The following ERICH6B variants were observed in gnomAD, a reference collection of about 807,000 sequenced individuals.
ERICH6B encodes the protein glutamate rich 6B, also known as glutamate-rich protein 6B.
A neutral mutation model predicts 80.0 loss-of-function variants in ERICH6B; 69 were observed. The observed-to-expected ratio is 0.86, with a 90% confidence interval of 0.71 to 1.05. The LOEUF is 1.05. Ranked by LOEUF, ERICH6B falls within the 50% of genes least tolerant of loss-of-function variation. The pLI is 0.00. For missense variants in ERICH6B, 754 were observed against 796.1 expected, an observed-to-expected ratio of 0.95 and a Z score of 0.64; for synonymous variants, 283 against 291.9, an observed-to-expected ratio of 0.97 and a Z score of 0.31.
intron 7 of ERICH6B, among the ~76,000 whole-genome samples, chr13:45,578,896 A>G (rs1337479228): frequency 6.6e-6 from 1 of 152,216 alleles, no homozygotes; most frequent in African/African-American, 2.4e-5. Context: ...TTTAATAATC[A>G]TAAATTAGCC....
At chr13:45,604,898 C>G (rs1053274142) in intron 2 of ERICH6B, among the ~76,000 whole-genome samples, 2 of 152,100 alleles carry the variant, frequency 1.3e-5, no homozygotes, top group African/African-American at 2.4e-5. Context: ...GTGCTGGTTT[C>G]GAGACCCTGT....
intron 14 of ERICH6B, 108 bp downstream of exon 14, chr13:45,544,652 T>G: frequency 9.9e-6 from 9 of 910,740 alleles, no homozygotes; most frequent in South Asian, 3.4e-5. Context: ...GGTTGGCATA[T>G]ATAGAACAAG....
At chr13:45,545,625 G>T (rs905241908) in intron 13 of ERICH6B, among the ~76,000 whole-genome samples, 6 of 152,182 alleles carry the variant, frequency 3.9e-5, no homozygotes, top group Non-Finnish European at 1.5e-5. Flanking sequence ...TTACAAAAGA[G>T]AATAGGAGGC....
At chr13:45,552,571 G>A (rs1463208968) in intron 11 of ERICH6B, among the ~76,000 whole-genome samples, 2 of 151,216 alleles carry the variant, frequency 1.3e-5, no homozygotes, top group Non-Finnish European at 2.9e-5. Flanking sequence ...AGTCAGATTA[G>A]TGATTTTCAA....
At chr13:45,588,567 C>A (rs1425292633) in intron 4 of ERICH6B, among the ~76,000 whole-genome samples, 1 of 152,208 alleles carries the variant, frequency 6.6e-6, no homozygotes, top group East Asian at 1.9e-4. Flanking sequence ...GACTGTCGTA[C>A]CTCACTCACC....
intron 8 of ERICH6B, among the ~76,000 whole-genome samples, chr13:45,571,370 C>T (rs1331283469): frequency 6.6e-6 from 1 of 152,076 alleles, no homozygotes; most frequent in African/African-American, 2.4e-5. Flanking sequence ...TCCCTCCAAC[C>T]ATTTTTTTTT....
intron 13 of ERICH6B, 56 bp from the exon 14 acceptor site, chr13:45,545,041 T>C: frequency 7.4e-7 from 1 of 1,345,614 alleles, no homozygotes; most frequent in Non-Finnish European, 1.0e-6. Flanking sequence ...GGGCCTCTGC[T>C]CCTCCTCTTC....
At chr13:45,563,456 G>T (rs921675411) in intron 10 of ERICH6B, among the ~76,000 whole-genome samples, 3 of 152,182 alleles carry the variant, frequency 2.0e-5, no homozygotes, top group Admixed American at 2.0e-4. Context: ...AAGTAAGACA[G>T]TCCACACCAC....
chr13:45,570,699 T>C (rs1035427515), intron 8 of ERICH6B, among the ~76,000 whole-genome samples: 1 of 152,080 alleles, frequency 6.6e-6, no homozygotes, highest in Non-Finnish European at 1.5e-5. Flanking sequence ...CCATTGCAGC[T>C]GCAGGTTCCA....
At chr13:45,571,836 C>T (rs1337630112) in intron 8 of ERICH6B, among the ~76,000 whole-genome samples, 1 of 152,074 alleles carries the variant, frequency 6.6e-6, no homozygotes, top group South Asian at 2.1e-4. Context: ...ATGGGGTGAA[C>T]AGATGTAGGA....
At chr13:45,590,000 C>A (rs1270127502) in intron 4 of ERICH6B, among the ~76,000 whole-genome samples, 1 of 152,154 alleles carries the variant, frequency 6.6e-6, no homozygotes, top group Non-Finnish European at 1.5e-5. Flanking sequence ...ACTGGGATTT[C>A]ATTCCTGCTT....
intron 2 of ERICH6B, among the ~76,000 whole-genome samples, chr13:45,602,854 C>G (rs1399385457): frequency 6.6e-6 from 1 of 152,192 alleles, no homozygotes; most frequent in East Asian, 1.9e-4. Context: ...TTGCAATTAC[C>G]TTCTATACCA....
chr13:45,586,574 G>T, intron 5 of ERICH6B, among the ~76,000 whole-genome samples: 1 of 152,100 alleles, frequency 6.6e-6, no homozygotes, highest in South Asian at 2.1e-4. Flanking sequence ...GGATAGTTTT[G>T]GTGGGTTCTG....
chr13:45,551,896 C>G (rs1874239872), intron 11 of ERICH6B, among the ~76,000 whole-genome samples: 1 of 152,176 alleles, frequency 6.6e-6, no homozygotes, highest in Admixed American at 6.5e-5. Flanking sequence ...TTGGACTTTC[C>G]AGCCTTTGGA....
chr13:45,594,466 C>T (rs1443330953), intron 3 of ERICH6B, among the ~76,000 whole-genome samples: 1 of 152,146 alleles, frequency 6.6e-6, no homozygotes, highest in Non-Finnish European at 1.5e-5. Context: ...AGAGAAAAAG[C>T]CCTGAATGCT....
At chr13:45,559,725 A>G (rs1874588685) in intron 11 of ERICH6B, among the ~76,000 whole-genome samples, 1 of 152,004 alleles carries the variant, frequency 6.6e-6, no homozygotes, top group Non-Finnish European at 1.5e-5. Flanking sequence ...TTTGGAGTTG[A>G]TTTCCAGTTT....
chr13:45,569,440 T>A (rs935539279), intron 8 of ERICH6B, among the ~76,000 whole-genome samples: 3 of 152,198 alleles, frequency 2.0e-5, no homozygotes, highest in African/African-American at 7.2e-5. Flanking sequence ...GCTGCCTTTT[T>A]ATTTGGCCAG....
intron 14 of ERICH6B, among the ~76,000 whole-genome samples, chr13:45,543,790 T>C (rs1873882015): frequency 6.6e-6 from 1 of 151,958 alleles, no homozygotes. Flanking sequence ...GCCTGGGGAG[T>C]GTGCCTTGAA....
intron 2 of ERICH6B, among the ~76,000 whole-genome samples, chr13:45,603,415 C>G (rs138539362): frequency 6.6e-6 from 1 of 152,192 alleles, no homozygotes; most frequent in Admixed American, 6.5e-5. Flanking sequence ...AGATGTGGGG[C>G]GGACCCCTCA....
Sources: gnomAD v4.1 joint callset for allele counts (sites outside exome capture counted in the v4.1 genomes callset) on GRCh38, gnomAD v4.1.1 for gene constraint, MANE v1.5 for transcripts, NCBI Gene and HGNC (gene_info 2026-07-23, HGNC 2026-07-21) for gene names.